RPS8: variants seen among roughly 807,000 people sequenced by gnomAD.
The protein encoded by RPS8 is small ribosomal subunit protein eS8.
For synonymous variants in RPS8, 100 were observed against 100.7 expected, an observed-to-expected ratio of 0.99 and a Z score of 0.04; for missense variants, 141 against 269.7, an observed-to-expected ratio of 0.52 and a Z score of 3.34.
intron 5 of RPS8, 191 bp from the exon 6 acceptor site, chr1:44,778,385 G>A: frequency 1.2e-6 from 1 of 802,422 alleles, no homozygotes; most frequent in South Asian, 1.3e-5. Flanking sequence ...AGGCTGAGGG[G>A]GCTGTCTCAG....
At chr1:44,776,368 C>A in intron 2 of RPS8, 1 of 692,212 alleles carries the variant, frequency 1.4e-6, no homozygotes, top group Non-Finnish European at 2.6e-6. Context: ...GAGAAGGATA[C>A]TGTGTGGGGA....
At chr1:44,776,469 T>C (rs761053225) in intron 2 of RPS8, 4 of 761,942 alleles carry the variant, frequency 5.2e-6, no homozygotes, top group East Asian at 2.4e-5. Flanking sequence ...GCATTTGGGG[T>C]CAGGCTTTCC....
At chr1:44,776,273 C>T (rs965472120) in intron 2 of RPS8, 133 bp downstream of exon 2, 8 of 677,668 alleles carry the variant, frequency 1.2e-5, no homozygotes, top group African/African-American at 1.8e-5. Flanking sequence ...CCTGGGTGTC[C>T]TGTCCCCCTT....
Position 44,777,948 on chromosome 1 carries a change from C to T in RPS8, c.388-52C>T, listed in dbSNP as rs368929147. On this transcript the variant is annotated intron_variant, in intron 4 of 5. Transcript: ENST00000396651. ...GGGGTGTGCAGGGTTCGAGAAAGCTCCCAGGGCCTGCCTTCCTTCCCTGAG... is the reference window on the plus strand; with the variant it reads ...GGGGTGTGCAGGGTTCGAGAAAGCTTCCAGGGCCTGCCTTCCTTCCCTGAG... 9 of 1,612,052 alleles carry T rather than the reference C, an allele frequency of 5.6e-6. No homozygotes were observed. The African/African-American group carries it at 1.1e-4, about 19-fold the overall frequency.
At chr1:44,778,325 T>A (rs1198078672) in intron 5 of RPS8, 196 bp downstream of exon 5, 1 of 836,456 alleles carries the variant, frequency 1.2e-6, no homozygotes, top group Admixed American at 1.7e-5. Context: ...GGTAGAAGAG[T>A]CTGCATAGGC....
chr1:44,777,934 G>A (rs1650916286), intron 4 of RPS8, 66 bp from the exon 5 acceptor site: 3 of 1,603,448 alleles, frequency 1.9e-6, no homozygotes, highest in South Asian at 1.1e-5. Flanking sequence ...GGGTGTGCAG[G>A]GTTCGAGAAA....
chr1:44,777,979 A>G (rs767586109), intron 4 of RPS8, 21 bp from the exon 5 acceptor site: 5 of 1,613,460 alleles, frequency 3.1e-6, no homozygotes, highest in Non-Finnish European at 4.2e-6. Context: ...CTGAGCTCAT[A>G]TATTTGTATC....
In RPS8 at chr1:44,778,098, G is replaced by A. The variant is rs1363508288; in HGVS notation, c.486G>A (p.Leu162=). Residue 162 remains leucine (L), a synonymous_variant, in exon 5 of 6, where the codon CTG becomes CTA. Transcript: ENST00000396651. ...RKKNAKISSL[L]EEQFQQGKLL... ...AGAATGCCAAAATCAGCAGTCTCCT[G>A]GAGGAGCAGTTCCAGCAGGGCAAGC... 1 of 1,601,338 alleles carries A rather than the reference G, an allele frequency of 6.2e-7. No individual in the cohort carries two copies. The highest frequency in any genetic ancestry group is 8.5e-7 in the Non-Finnish European group (1 of 1,173,394).
chr1:44,778,535 C>A (rs1650947355), intron 5 of RPS8, 41 bp from the exon 6 acceptor site: 1 of 1,525,334 alleles, frequency 6.6e-7, no homozygotes, highest in Non-Finnish European at 9.1e-7. Flanking sequence ...TTGGGTAGGG[C>A]CACCTTGTCG....
intron 5 of RPS8, 127 bp downstream of exon 5, chr1:44,778,256 G>A (rs1315968816): frequency 1.5e-5 from 18 of 1,195,176 alleles, no homozygotes; most frequent in Admixed American, 3.5e-5. Context: ...AACAGGCTGC[G>A]AGCACAAAGG....
Position 44,778,601 on chromosome 1 carries a change from G to C in RPS8, c.543G>C (p.Gln181His), listed in dbSNP as rs781472251. Reference sequence around the variant, plus strand: ...CGTGCATCGCTTCAAGGCCGGGACAGTGTGGCCGAGCAGATGGCTATGTGC... The same window carrying C: ...CGTGCATCGCTTCAAGGCCGGGACACTGTGGCCGAGCAGATGGCTATGTGC... ...LLACIASRPG[Q>H]CGRADGYVLE... Residue 181 changes from glutamine (Q) to histidine (H), a missense_variant, in exon 6 of 6, where the codon CAG (glutamine) becomes CAC (histidine). Transcript: ENST00000396651. 1.9e-6 allele frequency: 3 copies of C among 1,613,790 alleles called. No individual in the cohort carries two copies. Among genetic ancestry groups the C allele is most frequent in the Admixed American group, 3.3e-5 (2 of 59,980 alleles).
At chr1:44,778,523 G>C (rs1379092371) in intron 5 of RPS8, 53 bp from the exon 6 acceptor site, 1 of 1,455,436 alleles carries the variant, frequency 6.9e-7, no homozygotes, top group Non-Finnish European at 9.7e-7. Flanking sequence ...GGGTGGAGAG[G>C]TTTGGGTAGG....
rs1258795456 is a variant in RPS8 at position 44,778,316 on chromosome 1, G to A, written c.517+187G>A. The A allele has an allele frequency of 1.7e-5, 15 of 864,654 alleles. No individual in the cohort carries two copies. In the East Asian group the frequency reaches 3.4e-4, roughly 19 times the overall value. The allele number at this position is 864,654 out of a possible 1,614,324, so 53.6% of individuals were successfully genotyped here. The stretch of plus-strand genomic sequence containing the variant: ...ATGAAGCTGAAATGGGAAGCATTGG[G>A]TAGAAGAGTCTGCATAGGCCCGTGC... On this transcript the variant is annotated intron_variant, in intron 5 of 5. Transcript: ENST00000396651.
At chr1:44,776,244 T>C (rs1573589641) in intron 2 of RPS8, 104 bp downstream of exon 2, 2 of 811,204 alleles carry the variant, frequency 2.5e-6, no homozygotes, top group Non-Finnish European at 3.9e-6. Context: ...TCTTGGGCTC[T>C]GATTTCTCTG....
chr1:44,778,513 G>A (rs561860661), intron 5 of RPS8, 63 bp from the exon 6 acceptor site: 84 of 1,300,274 alleles, frequency 6.5e-5, no homozygotes, highest in East Asian at 5.5e-4. Flanking sequence ...ATTCTTAAGC[G>A]GGTGGAGAGG....
intron 2 of RPS8, chr1:44,776,401 C>G (rs1209782531): frequency 5.5e-6 from 4 of 724,930 alleles, no homozygotes; most frequent in Non-Finnish European, 1.0e-5. Context: ...GAGAGGGTGG[C>G]GCCTCGCGTC....
rs1650911019 is a variant in RPS8, at chr1:44,777,803, C to A, written c.387+14C>A. The A allele has an allele frequency of 3.1e-6, 5 of 1,613,734 alleles. No homozygotes were observed. ...GGAGCCAAGCTGGTGCGTGTTACTT[C>A]CCTGTAGGGGTTGTGGGGAGGGCAG... is the stretch of plus-strand genomic sequence containing the variant. On this transcript the variant is annotated intron_variant, in intron 4 of 5. Transcript: ENST00000396651.
rs770526961 is a variant in RPS8 at position 44,777,813 on chromosome 1, G to GT, written c.387+26dup. On this transcript the variant is annotated intron_variant, in intron 4 of 5. Transcript: ENST00000396651. Reference sequence around the variant, plus strand: ...TGGTGCGTGTTACTTCCCTGTAGGGGTTGTGGGGAGGGCAGCCTGACTCCA... The same window carrying GT: ...TGGTGCGTGTTACTTCCCTGTAGGGGTTTGTGGGGAGGGCAGCCTGACTCCA... 51 of 1,613,054 alleles carry GT rather than the reference G, an allele frequency of 3.2e-5. No individual in the cohort carries two copies. The African/African-American group carries it at 5.1e-4, about 16-fold the overall frequency.
chr1:44,776,618 C>A lies in RPS8; in HGVS notation c.112-57C>A, dbSNP rs767523711. 4 of 1,462,224 alleles carry A rather than the reference C, an allele frequency of 2.7e-6. No homozygotes were observed. The East Asian group carries it at 9.1e-5, about 33-fold the overall frequency. 90.6% of individuals were successfully genotyped at this position (1,462,224 alleles called of 1,614,324 possible). A position where few individuals can be genotyped will look rare whatever the true frequency, so the allele number is the denominator to read the frequency against. ...GCCTCCTCCCGGCCCAGGTTCCTCT[C>A]CCTCACTTGCCTTGCTCTCCTTGGT... On this transcript the variant is annotated intron_variant, in intron 2 of 5. Coordinates refer to ENST00000396651, the MANE Select transcript of RPS8 (RefSeq NM_001012.2).
Sources: gnomAD v4.1 joint callset for allele counts on GRCh38, gnomAD v4.1.1 for gene constraint, MANE v1.5 for transcripts, NCBI Gene and HGNC (gene_info 2026-07-23, HGNC 2026-07-21) for gene names.